The following SGCZ variants were observed in gnomAD, a reference collection of about 807,000 sequenced individuals.
SGCZ encodes zeta-sarcoglycan.
In SGCZ, 40 loss-of-function variants were observed where a neutral mutation model predicts 41.3. The observed-to-expected ratio is 0.97, with a 90% CI of 0.75 to 1.26. The LOEUF (loss-of-function observed/expected upper bound fraction) is 1.26. SGCZ is among the 50% of genes most tolerant of loss of function. The pLI, the probability that SGCZ is intolerant of heterozygous loss-of-function variation, is 0.00. For missense variants in SGCZ, 552 were observed against 369.8 expected (o/e 1.49, Z -4.04); for synonymous variants, 206 against 137.5 (o/e 1.50, Z -3.49).
chr8:15,033,019 T>A (rs1176448646), intron 1 of SGCZ, among the ~76,000 whole-genome samples: 5 of 152,026 alleles, frequency 3.3e-5, no homozygotes, highest in Non-Finnish European at 7.4e-5. Flanking sequence ...GGCCAGCGCC[T>A]GTGGACACAA....
At chr8:14,958,107 G>T (rs118169481) in intron 1 of SGCZ, among the ~76,000 whole-genome samples, 265 of 152,050 alleles carry the variant, frequency 1.7e-3, no homozygotes, top group Non-Finnish European at 2.7e-3. Flanking sequence ...AACATGTTGG[G>T]TAGAACCAGT....
chr8:14,503,775 TAATAA>T (rs1355240671), intron 2 of SGCZ, among the ~76,000 whole-genome samples: 2 of 151,992 alleles, frequency 1.3e-5, no homozygotes, highest in African/African-American at 2.4e-5. Flanking sequence ...TAAAAAACAA[TAATAA>T]AATAAAATAA....
chr8:14,773,688 G>T (rs1200354361), intron 1 of SGCZ, among the ~76,000 whole-genome samples: 1 of 152,110 alleles, frequency 6.6e-6, no homozygotes, highest in Non-Finnish European at 1.5e-5. Flanking sequence ...AGAGCAAAGG[G>T]AGAAGATTAA....
chr8:14,411,718 T>A (rs1016982984), intron 2 of SGCZ, among the ~76,000 whole-genome samples: 1 of 152,126 alleles, frequency 6.6e-6, no homozygotes, highest in East Asian at 1.9e-4. Context: ...TATTATAATA[T>A]TAGTATTCTG....
At chr8:14,801,119 A>G (rs1356087018) in intron 1 of SGCZ, among the ~76,000 whole-genome samples, 2 of 152,192 alleles carry the variant, frequency 1.3e-5, no homozygotes, top group Non-Finnish European at 2.9e-5. Context: ...CCAATCTACA[A>G]AAGATCTATG....
intron 5 of SGCZ, among the ~76,000 whole-genome samples, chr8:14,160,022 T>C (rs549832919): frequency 1.3e-5 from 2 of 152,316 alleles, no homozygotes; most frequent in South Asian, 4.2e-4. Flanking sequence ...CTGATAGTCT[T>C]GGCTTTCAAA....
intron 1 of SGCZ, among the ~76,000 whole-genome samples, chr8:15,156,128 G>A (rs538095261): frequency 6.6e-5 from 10 of 150,434 alleles, no homozygotes; most frequent in African/African-American, 2.4e-4. Context: ...ATTATTTCTA[G>A]ATGCCACATT....
chr8:14,584,643 C>T (rs1805002242), intron 1 of SGCZ, among the ~76,000 whole-genome samples: 2 of 152,006 alleles, frequency 1.3e-5, no homozygotes, highest in African/African-American at 4.8e-5. Context: ...GTTGTGCGGT[C>T]TTCAGGGCCA....
chr8:14,172,415 G>C (rs1051566356), intron 4 of SGCZ, among the ~76,000 whole-genome samples: 3 of 152,066 alleles, frequency 2.0e-5, no homozygotes, highest in African/African-American at 7.2e-5. Context: ...ACATTGCCTG[G>C]TCTGTTTTTA....
chr8:15,013,171 A>G (rs1802901542), intron 1 of SGCZ, among the ~76,000 whole-genome samples: 1 of 152,170 alleles, frequency 6.6e-6, no homozygotes, highest in Non-Finnish European at 1.5e-5. Context: ...TTATTTGATT[A>G]TTTGATGTAC....
At chr8:14,482,405 A>G (rs1171834504) in intron 2 of SGCZ, among the ~76,000 whole-genome samples, 2 of 152,116 alleles carry the variant, frequency 1.3e-5, no homozygotes, top group African/African-American at 4.8e-5. Context: ...AAAACACTTT[A>G]CTCACTTCAC....
chr8:14,432,591 G>A (rs1799973767), intron 2 of SGCZ, among the ~76,000 whole-genome samples: 1 of 152,110 alleles, frequency 6.6e-6, no homozygotes, highest in Non-Finnish European at 1.5e-5. Context: ...CTCGGGTGAT[G>A]GGTGCACCAA....
chr8:14,253,070 A>G (rs1381258480), intron 3 of SGCZ, among the ~76,000 whole-genome samples: 2 of 152,168 alleles, frequency 1.3e-5, no homozygotes, highest in Non-Finnish European at 2.9e-5. Context: ...TGAAAAATAA[A>G]TAAAAGAAGG....
At chr8:15,029,418 G>A (rs763202287) in intron 1 of SGCZ, among the ~76,000 whole-genome samples, 10 of 152,028 alleles carry the variant, frequency 6.6e-5, no homozygotes, top group Non-Finnish European at 1.5e-4. Flanking sequence ...TTGTGTGTGT[G>A]CATGTTCATG....
At chr8:14,455,764 A>C (rs143311584) in intron 2 of SGCZ, among the ~76,000 whole-genome samples, 37 of 152,346 alleles carry the variant, frequency 2.4e-4, no homozygotes, top group African/African-American at 8.4e-4. Flanking sequence ...AGTTCTTGGC[A>C]GTGTTAAACA....
chr8:14,381,014 T>C (rs113324634), intron 2 of SGCZ, among the ~76,000 whole-genome samples: 9 of 152,230 alleles, frequency 5.9e-5, no homozygotes, highest in African/African-American at 1.4e-4. Context: ...CACATACAGT[T>C]ATTTCCACCC....
intron 2 of SGCZ, among the ~76,000 whole-genome samples, chr8:14,444,819 G>A (rs13266701): frequency 0.44 from 66,798 of 151,722 alleles, 14,943 homozygotes; most frequent in Non-Finnish European, 0.47. Flanking sequence ...TAATAATAAT[G>A]AAATAAAATA....
At chr8:14,902,361 G>A (rs1424242795) in intron 1 of SGCZ, among the ~76,000 whole-genome samples, 1 of 151,936 alleles carries the variant, frequency 6.6e-6, no homozygotes, top group African/African-American at 2.4e-5. Context: ...CAATCATTTT[G>A]ACCCCTGCGA....
intron 3 of SGCZ, among the ~76,000 whole-genome samples, chr8:14,320,709 A>G (rs1801888472): frequency 6.6e-6 from 1 of 151,982 alleles, no homozygotes; most frequent in Non-Finnish European, 1.5e-5. Context: ...TTAACTGTGG[A>G]GTTACTGGAA....
Sources: allele counts gnomAD v4.1 joint callset (sites outside exome capture counted in the v4.1 genomes callset), GRCh38; gene constraint gnomAD v4.1.1; transcripts MANE v1.5; gene names NCBI Gene and HGNC (gene_info 2026-07-23, HGNC 2026-07-21).